Variants in CACNA1E observed in about 807,000 individuals in gnomAD.
The protein encoded by CACNA1E is calcium voltage-gated channel subunit alpha1 E, also known as voltage-dependent R-type calcium channel subunit alpha-1E.
A neutral mutation model predicts 259.2 loss-of-function variants in CACNA1E; 40 were observed. The observed-to-expected ratio is 0.15, with a 90% confidence interval of 0.12 to 0.20. The LOEUF (loss-of-function observed/expected upper bound fraction) is 0.20, where lower values mean the gene tolerates loss of function less well. Among genes scored for constraint, CACNA1E ranks in the 10% least tolerant of loss-of-function variants. The pLI is 1.00. For missense variants in CACNA1E, 1,874 were observed against 3,040.1 expected (o/e 0.62, Z 9.02); for synonymous variants, 1,104 against 1,138.5 (o/e 0.97, Z 0.61).
intron 1 of CACNA1E, among the ~76,000 whole-genome samples, chr1:181,498,982 T>C (rs1295011609): frequency 6.6e-6 from 1 of 152,206 alleles, no homozygotes; most frequent in Non-Finnish European, 1.5e-5. Context: ...GAGAAAGATA[T>C]TCATAGAGGT....
At chr1:181,673,280 A>G (rs984404717) in intron 7 of CACNA1E, among the ~76,000 whole-genome samples, 3 of 152,042 alleles carry the variant, frequency 2.0e-5, no homozygotes, top group Admixed American at 6.6e-5. Flanking sequence ...TCCATCCTTG[A>G]GTGATGACAC....
At chr1:181,751,137 A>T (rs1657560326) in intron 26 of CACNA1E, among the ~76,000 whole-genome samples, 1 of 152,210 alleles carries the variant, frequency 6.6e-6, no homozygotes, top group African/African-American at 2.4e-5. Flanking sequence ...TGACTCCACT[A>T]TTTAGAGTCT....
intron 6 of CACNA1E, among the ~76,000 whole-genome samples, chr1:181,639,444 A>G (rs1297620615): frequency 1.3e-5 from 2 of 152,204 alleles, no homozygotes; most frequent in African/African-American, 4.8e-5. Flanking sequence ...CGATACATGG[A>G]GCCTTAGGGT....
rs578261102 is a variant in CACNA1E, at chr1:181,754,759, T to C, written c.3829-478T>C. The stretch of plus-strand genomic sequence containing the variant: ...GAAATGAACAAAGATGATAGTGTAT[T>C]ATTACCTGATCCTTTTAGAAAGGTA... On this transcript the variant is annotated intron_variant, in intron 27 of 47. Coordinates refer to ENST00000367573, the MANE Select transcript of CACNA1E (RefSeq NM_001205293.3). Among the ~76,000 whole-genome samples, 3 of 152,350 alleles carry C rather than the reference T, an allele frequency of 2.0e-5. No individual in the cohort carries two copies. In the South Asian group the frequency reaches 6.2e-4, roughly 32 times the overall value.
At chr1:181,681,972 TA>T (rs1415697935) in intron 7 of CACNA1E, among the ~76,000 whole-genome samples, 1 of 152,162 alleles carries the variant, frequency 6.6e-6, no homozygotes, top group African/African-American at 2.4e-5. Context: ...ACACTTTCTA[TA>T]ACTGTGAAAG....
chr1:181,579,025 G>C (rs1476423084), intron 4 of CACNA1E, 47 bp from the exon 5 acceptor site: 1 of 1,492,918 alleles, frequency 6.7e-7, no homozygotes. Context: ...CCTATCAGAT[G>C]GTGCTGAGGG....
At chr1:181,546,864 G>A (rs529332682) in intron 3 of CACNA1E, among the ~76,000 whole-genome samples, 2 of 152,310 alleles carry the variant, frequency 1.3e-5, no homozygotes, top group African/African-American at 4.8e-5. Flanking sequence ...CCCAGGCACT[G>A]GGCTCACCCC....
intron 1 of CACNA1E, among the ~76,000 whole-genome samples, chr1:181,375,491 G>C (rs558049390): frequency 6.6e-6 from 1 of 152,292 alleles, no homozygotes; most frequent in Non-Finnish European, 1.5e-5. Flanking sequence ...GAGGATCAGG[G>C]ACAACCATGA....
intron 6 of CACNA1E, among the ~76,000 whole-genome samples, chr1:181,626,796 C>T (rs1656244928): frequency 1.3e-5 from 2 of 152,184 alleles, no homozygotes; most frequent in Non-Finnish European, 1.5e-5. Context: ...CTGTAGTCAT[C>T]ACCAAGAACA....
At chr1:181,790,290 CTTT>C (rs33973972) in intron 43 of CACNA1E, among the ~76,000 whole-genome samples, 152 bp from the exon 44 acceptor site, 9 of 115,314 alleles carry the variant, frequency 7.8e-5, no homozygotes, top group Non-Finnish European at 1.1e-4. Flanking sequence ...TCTTCTAGTG[CTTT>C]TTTTTTTTTT....
At chr1:181,730,796 G>A (rs147220766) in intron 18 of CACNA1E, among the ~76,000 whole-genome samples, 75 of 152,352 alleles carry the variant, frequency 4.9e-4, no homozygotes, top group Middle Eastern at 3.4e-3. Context: ...TGACTCGGGG[G>A]AGGGGAAGAA....
At chr1:181,733,253 A>C (rs988347900) in intron 20 of CACNA1E, among the ~76,000 whole-genome samples, 184 bp from the exon 21 acceptor site, 5 of 152,214 alleles carry the variant, frequency 3.3e-5, no homozygotes, top group African/African-American at 1.2e-4. Flanking sequence ...AAGGATGGGA[A>C]TAAGGCAGTG....
chr1:181,441,603 A>T (rs1290560456), intron 2 of CACNA1E, among the ~76,000 whole-genome samples: 1 of 152,194 alleles, frequency 6.6e-6, no homozygotes, highest in African/African-American at 2.4e-5. Flanking sequence ...TAATGCAGAC[A>T]CTCGAATCAC....
intron 3 of CACNA1E, among the ~76,000 whole-genome samples, chr1:181,556,029 A>G (rs1356816578): frequency 1.3e-5 from 2 of 152,236 alleles, no homozygotes; most frequent in Non-Finnish European, 2.9e-5. Flanking sequence ...AATAACAAAG[A>G]TGAGCCTAGT....
chr1:181,640,958 A>G (rs1657692359), intron 6 of CACNA1E, among the ~76,000 whole-genome samples: 1 of 152,226 alleles, frequency 6.6e-6, no homozygotes. Context: ...CAATATGTAA[A>G]AGAGACAGAA....
intron 1 of CACNA1E, among the ~76,000 whole-genome samples, chr1:181,505,431 G>T (rs1331759558): frequency 6.6e-6 from 1 of 151,822 alleles, no homozygotes; most frequent in African/African-American, 2.4e-5. Context: ...GAATGCAGTC[G>T]CACGATCTCA....
chr1:181,357,874 G>A (rs1653571675), intron 1 of CACNA1E, among the ~76,000 whole-genome samples: 1 of 152,194 alleles, frequency 6.6e-6, no homozygotes, highest in Non-Finnish European at 1.5e-5. Flanking sequence ...AGGATGGCAA[G>A]GAGGTCACTT....
Position 181,783,676 on chromosome 1 carries a change from C to A in CACNA1E, c.5365-3C>A. On this transcript the variant is annotated splice_region_variant and splice_polypyrimidine_tract_variant and intron_variant, in intron 39 of 47. Coordinates refer to ENST00000367573, the MANE Select transcript of CACNA1E (RefSeq NM_001205293.3). ...TGCTGTTTCTTTTTTCTCTTTCACA[C>A]AGAGGTTGGTCCTGATGAACATGCC... The A allele has an allele frequency of 2.0e-6, 3 of 1,533,770 alleles. No homozygotes were observed. Among genetic ancestry groups the A allele is most frequent in the Non-Finnish European group, 2.7e-6 (3 of 1,114,346 alleles).
intron 7 of CACNA1E, among the ~76,000 whole-genome samples, chr1:181,653,762 C>G (rs1449529296): frequency 6.6e-6 from 1 of 152,186 alleles, no homozygotes; most frequent in Admixed American, 6.5e-5. Context: ...AGGATGATCT[C>G]TTATTTGAAC....
Sources: gnomAD v4.1 joint callset for allele counts (sites outside exome capture counted in the v4.1 genomes callset) on GRCh38, gnomAD v4.1.1 for gene constraint, MANE v1.5 for transcripts, NCBI Gene and HGNC (gene_info 2026-07-23, HGNC 2026-07-21) for gene names.